DMXL2: variants seen among roughly 807,000 people sequenced by gnomAD.
The protein encoded by DMXL2 is Dmx like 2, also known as dmX-like protein 2.
A neutral mutation model predicts 331.1 loss-of-function variants in DMXL2; 103 were observed. The observed-to-expected ratio is 0.31, with a 90% CI of 0.27 to 0.37. DMXL2 has a LOEUF of 0.37. Among genes scored for constraint, DMXL2 ranks in the 10% least tolerant of loss-of-function variants. DMXL2 has a pLI of 1.00. For synonymous variants in DMXL2, 1,281 were observed against 1,252.1 expected (o/e 1.02, Z -0.49); for missense variants, 3,171 against 3,642.9 (o/e 0.87, Z 3.33).
chr15:51,507,648 T>C (rs1184529736), intron 15 of DMXL2, among the ~76,000 whole-genome samples: 1 of 151,826 alleles, frequency 6.6e-6, no homozygotes, highest in East Asian at 1.9e-4. Context: ...GGGAGGAGGA[T>C]AGAAGGGAAG....
At chr15:51,512,125 G>A (rs1310719122) in intron 15 of DMXL2, among the ~76,000 whole-genome samples, 1 of 152,052 alleles carries the variant, frequency 6.6e-6, no homozygotes, top group Non-Finnish European at 1.5e-5. Flanking sequence ...AACCACCATG[G>A]CACATGTATA....
chr15:51,597,274 A>C (rs1249429474), intron 1 of DMXL2, among the ~76,000 whole-genome samples: 1 of 152,186 alleles, frequency 6.6e-6, no homozygotes, highest in African/African-American at 2.4e-5. Flanking sequence ...GTCCCTTCCA[A>C]ATTACACTTC....
At chr15:51,475,703 T>A (rs1403682625) in intron 27 of DMXL2, among the ~76,000 whole-genome samples, 1 of 152,146 alleles carries the variant, frequency 6.6e-6, no homozygotes, top group Non-Finnish European at 1.5e-5. Flanking sequence ...AAAAGCACAT[T>A]AGTGGGACAA....
At chr15:51,525,018 G>T (rs1392204385) in intron 13 of DMXL2, among the ~76,000 whole-genome samples, 1 of 151,714 alleles carries the variant, frequency 6.6e-6, no homozygotes, top group South Asian at 2.1e-4. Context: ...GGCGACAGAA[G>T]AGTGGGGAGG....
chr15:51,515,051 C>G (rs1213598636), intron 14 of DMXL2, among the ~76,000 whole-genome samples: 2 of 152,076 alleles, frequency 1.3e-5, no homozygotes, highest in Non-Finnish European at 2.9e-5. Context: ...ATCCCAATAG[C>G]TCTGTCTAGT....
At chr15:51,587,620 A>G (rs1392826482) in intron 1 of DMXL2, among the ~76,000 whole-genome samples, 3 of 152,354 alleles carry the variant, frequency 2.0e-5, no homozygotes, top group African/African-American at 7.2e-5. Context: ...ATAGTGCCGC[A>G]GTAAACATAC....
At chr15:51,620,613 G>A (rs1162372922) in intron 1 of DMXL2, among the ~76,000 whole-genome samples, 2 of 152,182 alleles carry the variant, frequency 1.3e-5, no homozygotes, top group African/African-American at 2.4e-5. Context: ...TCCTAGCAGC[G>A]GTGTGGAGGA....
intron 13 of DMXL2, among the ~76,000 whole-genome samples, chr15:51,523,920 T>C (rs1158855635): frequency 6.6e-6 from 1 of 152,230 alleles, no homozygotes; most frequent in East Asian, 1.9e-4. Context: ...CTTGATAGAA[T>C]GATTAGGGAG....
At chr15:51,598,324 T>C (rs1377982349) in intron 1 of DMXL2, among the ~76,000 whole-genome samples, 1 of 152,216 alleles carries the variant, frequency 6.6e-6, no homozygotes, top group Non-Finnish European at 1.5e-5. Context: ...TATATTTTTT[T>C]CTGGACCATT....
At chr15:51,518,320 G>A (rs895789875) in intron 13 of DMXL2, among the ~76,000 whole-genome samples, 2 of 151,978 alleles carry the variant, frequency 1.3e-5, no homozygotes, top group Admixed American at 6.6e-5. Flanking sequence ...GTGACAGGGC[G>A]AGACTCCGTC....
chr15:51,580,320 G>T (rs1216763922), intron 1 of DMXL2, among the ~76,000 whole-genome samples: 1 of 152,188 alleles, frequency 6.6e-6, no homozygotes, highest in Admixed American at 6.5e-5. Flanking sequence ...ACCCCAGAGA[G>T]TATGGATGTG....
chr15:51,471,143 T>C (rs892787993), intron 29 of DMXL2, 80 bp downstream of exon 29: 60 of 1,347,448 alleles, frequency 4.5e-5, no homozygotes, highest in Non-Finnish European at 4.1e-6. Flanking sequence ...TACCCCATCA[T>C]TCCTATGTGA....
intron 31 of DMXL2, 95 bp from the exon 32 acceptor site, chr15:51,464,971 T>C: frequency 2.7e-6 from 3 of 1,098,178 alleles, no homozygotes; most frequent in Non-Finnish European, 3.9e-6. Context: ...ATAATACTTC[T>C]GAAAATACAA....
intron 13 of DMXL2, among the ~76,000 whole-genome samples, chr15:51,518,571 T>G (rs1400824676): frequency 6.6e-6 from 1 of 152,182 alleles, no homozygotes; most frequent in Non-Finnish European, 1.5e-5. Flanking sequence ...ATAGGATTCA[T>G]GCGTATATTA....
chr15:51,563,275 G>C lies in DMXL2; in HGVS notation c.567+106C>G, dbSNP rs1045627987. 1.3e-5 allele frequency: 12 copies of C among 947,660 alleles called. No homozygotes were observed. In the African/African-American group the frequency reaches 1.9e-4, roughly 15 times the overall value. 58.7% of individuals were successfully genotyped at this position (947,660 alleles called of 1,614,324 possible). ...TTCTTCAGGCCAGCTTTGCCAAGGA[G>C]GATTATCCCAGTTTTACAGATGAGA... On this transcript the variant is annotated intron_variant, in intron 6 of 43. Transcript: ENST00000560891.
intron 1 of DMXL2, among the ~76,000 whole-genome samples, chr15:51,593,569 T>C (rs1294603887): frequency 1.3e-5 from 2 of 152,222 alleles, no homozygotes; most frequent in Non-Finnish European, 2.9e-5. Flanking sequence ...GCAGACCTAA[T>C]AGACATCTAC....
At chr15:51,542,664 T>C (rs528041683) in intron 8 of DMXL2, among the ~76,000 whole-genome samples, 157 bp from the exon 9 acceptor site, 1 of 152,288 alleles carries the variant, frequency 6.6e-6, no homozygotes, top group East Asian at 1.9e-4. Flanking sequence ...CTATTTTGGA[T>C]GTATTCTCTA....
At position 51,455,157 on chromosome 15, in the gene DMXL2, A is replaced by C. The variant is rs765401565; in HGVS notation, c.8598T>G (p.Pro2866=). Residue 2866 remains proline (P), a synonymous_variant, in exon 40 of 44, where the codon CCT becomes CCG. Transcript: ENST00000560891. ...AACATTTAGTGATACTTACCATATA[A>C]GGTTTAGGATTTGATGCAGTTTGGT... The part of the protein sequence containing the change: ...QVNQTASNPK[P]YMSWQCHSKA... 10 of 1,613,518 alleles carry C rather than the reference A, an allele frequency of 6.2e-6. No homozygotes were observed. In the East Asian group the frequency reaches 2.2e-4, roughly 36 times the overall value.
At chr15:51,506,445 T>C (rs1020754177) in intron 16 of DMXL2, among the ~76,000 whole-genome samples, 3 of 150,386 alleles carry the variant, frequency 2.0e-5, no homozygotes, top group African/African-American at 7.3e-5. Flanking sequence ...CAAACAGCAA[T>C]TCTGCTTTTT....
Sources: gnomAD v4.1 joint callset for allele counts (sites outside exome capture counted in the v4.1 genomes callset) on GRCh38, gnomAD v4.1.1 for gene constraint, MANE v1.5 for transcripts, NCBI Gene and HGNC (gene_info 2026-07-23, HGNC 2026-07-21) for gene names.